Variants in BICD1 observed in about 807,000 individuals in gnomAD.
BICD1 encodes the protein BICD cargo adaptor 1.
Under a neutral mutation model 92.5 loss-of-function variants are expected in BICD1, and 35 were observed. That is an observed-to-expected ratio of 0.38 (90% CI 0.29 to 0.50). The LOEUF is 0.50. Among genes scored for constraint, BICD1 ranks in the 20% least tolerant of loss-of-function variants. BICD1 has a pLI of 0.93. For missense variants in BICD1, 950 were observed against 1,189.8 expected, an observed-to-expected ratio of 0.80 and a Z score of 2.97; for synonymous variants, 429 against 465.1, an observed-to-expected ratio of 0.92 and a Z score of 1.00.
At chr12:32,326,656 A>AG (rs369405409) in intron 4 of BICD1, among the ~76,000 whole-genome samples, 1 of 152,192 alleles carries the variant, frequency 6.6e-6, no homozygotes, top group African/African-American at 2.4e-5. Context: ...AGGCAGAGGC[A>AG]GGGGGCTGAC....
chr12:32,188,202 T>C (rs1300005957), intron 1 of BICD1, among the ~76,000 whole-genome samples: 1 of 152,222 alleles, frequency 6.6e-6, no homozygotes, highest in East Asian at 1.9e-4. Flanking sequence ...CCTCCCAAAG[T>C]ACTGGGATTA....
chr12:32,367,799 C>T, intron 9 of BICD1, 54 bp downstream of exon 9: 2 of 1,502,412 alleles, frequency 1.3e-6, no homozygotes, highest in Non-Finnish European at 1.9e-6. Context: ...ATCCATAGAC[C>T]CCAGCTCCCC....
chr12:32,119,248 G>A (rs1273486929), intron 1 of BICD1, among the ~76,000 whole-genome samples: 3 of 152,184 alleles, frequency 2.0e-5, no homozygotes, highest in Non-Finnish European at 4.4e-5. Context: ...ACAGTGTATT[G>A]CCTACTGGAT....
intron 2 of BICD1, among the ~76,000 whole-genome samples, chr12:32,226,666 A>G (rs1945705751): frequency 6.6e-6 from 1 of 151,970 alleles, no homozygotes; most frequent in Non-Finnish European, 1.5e-5. Flanking sequence ...GGCTTCAGCG[A>G]CCCTTCTCCC....
intron 1 of BICD1, among the ~76,000 whole-genome samples, chr12:32,165,237 C>T (rs566524402): frequency 2.0e-5 from 3 of 152,214 alleles, no homozygotes; most frequent in South Asian, 2.1e-4. Flanking sequence ...TTGAGTTGGC[C>T]GGGCGCGGTG....
intron 2 of BICD1, among the ~76,000 whole-genome samples, chr12:32,225,914 G>A (rs746976161): frequency 2.4e-4 from 37 of 151,676 alleles, no homozygotes; most frequent in Non-Finnish European, 5.0e-4. Context: ...GAGCCACCAC[G>A]CCTGGCCTTG....
At chr12:32,341,294 G>A (rs1017686216) in intron 8 of BICD1, among the ~76,000 whole-genome samples, 1 of 151,890 alleles carries the variant, frequency 6.6e-6, no homozygotes, top group African/African-American at 2.4e-5. Flanking sequence ...TTGGCAACAT[G>A]GTGAAAACCC....
At chr12:32,146,260 T>C (rs1324221930) in intron 1 of BICD1, among the ~76,000 whole-genome samples, 1 of 152,212 alleles carries the variant, frequency 6.6e-6, no homozygotes, top group Non-Finnish European at 1.5e-5. Flanking sequence ...TGTTAGCCAA[T>C]AGTGCCTCAC....
At chr12:32,324,039 T>C (rs1017447137) in intron 4 of BICD1, among the ~76,000 whole-genome samples, 1 of 152,102 alleles carries the variant, frequency 6.6e-6, no homozygotes, top group Non-Finnish European at 1.5e-5. Flanking sequence ...TGCCTTCCCA[T>C]AAAGCTTAGG....
Position 32,265,810 on chromosome 12 carries a change from C to T in BICD1, c.427-28184C>T, listed in dbSNP as rs1055016406. Reference sequence around the variant, plus strand: ...TGCTGGACAAATTTTCAGTCTTGGTCGGCAGTTTAACTCAAGAACAGACTC... The same window carrying T: ...TGCTGGACAAATTTTCAGTCTTGGTTGGCAGTTTAACTCAAGAACAGACTC... On this transcript the variant is annotated intron_variant, in intron 2 of 9. Transcript: ENST00000652176. Among the ~76,000 whole-genome samples, 7 of 151,802 alleles carry T rather than the reference C, an allele frequency of 4.6e-5. 1 individual carries two copies. In the East Asian group the frequency reaches 1.2e-3, roughly 25 times the overall value.
chr12:32,346,556 A>ATATATATATATATATATATACGTGTG, intron 8 of BICD1, among the ~76,000 whole-genome samples: 1 of 27,238 alleles, frequency 3.7e-5, no homozygotes, highest in Non-Finnish European at 5.6e-5. Context: ...ATATATATAT[A>ATATATATATATATATATATACGTGTG]TATATATATA....
chr12:32,216,494 G>A (rs745938948), intron 2 of BICD1, 35 bp downstream of exon 2: 2 of 1,594,618 alleles, frequency 1.3e-6, no homozygotes, highest in East Asian at 2.3e-5. Flanking sequence ...AGATTTGTGA[G>A]AGGGAGAAAT....
intron 8 of BICD1, among the ~76,000 whole-genome samples, chr12:32,356,042 G>A (rs996842873): frequency 6.6e-6 from 1 of 151,978 alleles, no homozygotes; most frequent in East Asian, 1.9e-4. Flanking sequence ...TTTGTTTCTC[G>A]AAGCTGAAAA....
Position 32,249,925 on chromosome 12 carries a change from CTT to C in BICD1, c.426+33467_426+33468del, listed in dbSNP as rs2136102038. Among the ~76,000 whole-genome samples, 3 of 151,232 alleles carry C rather than the reference CTT, an allele frequency of 2.0e-5. No homozygotes were observed. The Admixed American group carries it at 2.0e-4, about 10-fold the overall frequency. The stretch of plus-strand genomic sequence containing the variant: ...AATAAAAGGGATTTGATCATAAATG[CTT>C]CTGGGGTTGGCATACCAGATCATTT... On this transcript the variant is annotated intron_variant, in intron 2 of 9. Transcript: ENST00000652176.
intron 2 of BICD1, 118 bp downstream of exon 2, chr12:32,216,577 C>T: frequency 9.8e-7 from 1 of 1,020,438 alleles, no homozygotes; most frequent in Non-Finnish European, 1.4e-6. Flanking sequence ...AAGCACGAAA[C>T]TACTAATACT....
intron 1 of BICD1, among the ~76,000 whole-genome samples, chr12:32,160,497 C>A (rs1943566614): frequency 6.6e-6 from 1 of 151,616 alleles, no homozygotes; most frequent in African/African-American, 2.4e-5. Context: ...GGAAGTGCCT[C>A]ACTTTTTTTT....
At position 32,135,883 on chromosome 12, in the gene BICD1, G is replaced by C. The variant is rs571633726; in HGVS notation, c.213+28339G>C. 1.4e-4 allele frequency among the ~76,000 whole-genome samples: 21 copies of C among 150,514 alleles called. No individual in the cohort carries two copies. The South Asian group carries it at 2.1e-3, about 15-fold the overall frequency. ...CTTCTAGGAAAGGAAAATAAAGGGGGAAGGAAGGTGGAGAGGGACAAAGGA... is the reference window on the plus strand; with the variant it reads ...CTTCTAGGAAAGGAAAATAAAGGGGCAAGGAAGGTGGAGAGGGACAAAGGA... On this transcript the variant is annotated intron_variant, in intron 1 of 9. Coordinates refer to ENST00000652176, the MANE Select transcript of BICD1 (RefSeq NM_001714.4).
intron 1 of BICD1, among the ~76,000 whole-genome samples, chr12:32,161,164 A>T (rs1408110860): frequency 6.6e-6 from 1 of 152,222 alleles, no homozygotes; most frequent in East Asian, 1.9e-4. Context: ...CCAACATGGT[A>T]AAAGATCTTA....
At chr12:32,124,825 A>G (rs1942271929) in intron 1 of BICD1, among the ~76,000 whole-genome samples, 7 of 151,860 alleles carry the variant, frequency 4.6e-5, no homozygotes, top group Admixed American at 4.6e-4. Flanking sequence ...ATGGGGTGAG[A>G]GGGGAGGTGA....
Sources: gnomAD v4.1 joint callset for allele counts (sites outside exome capture counted in the v4.1 genomes callset) on GRCh38, gnomAD v4.1.1 for gene constraint, MANE v1.5 for transcripts, NCBI Gene and HGNC (gene_info 2026-07-23, HGNC 2026-07-21) for gene names.